The following MYO10 variants were observed in gnomAD, a reference collection of about 807,000 sequenced individuals.
MYO10 encodes the protein unconventional myosin-X.
A neutral mutation model predicts 257.3 loss-of-function variants in MYO10; 133 were observed. The observed-to-expected ratio is 0.52, with a 90% CI of 0.45 to 0.60. MYO10 has a LOEUF of 0.60. MYO10 is among the 20% of genes least tolerant of loss of function. MYO10 has a pLI of 0.00. For synonymous variants in MYO10, 1,104 were observed against 1,028.6 expected, an observed-to-expected ratio of 1.07 and a Z score of -1.40; for missense variants, 2,399 against 2,635.7, an observed-to-expected ratio of 0.91 and a Z score of 1.97.
chr5:16,710,625 A>G (rs1166885826), intron 21 of MYO10: 7 of 436,610 alleles, frequency 1.6e-5, no homozygotes, highest in Admixed American at 3.5e-5. Flanking sequence ...TCGTCTGCCA[A>G]CATTTGTTAC....
intron 1 of MYO10, among the ~76,000 whole-genome samples, chr5:16,919,586 C>T (rs1580151337): frequency 6.6e-6 from 1 of 152,248 alleles, no homozygotes; most frequent in South Asian, 2.1e-4. Flanking sequence ...TTAGGACTAC[C>T]AAGCAGATTA....
chr5:16,690,351 C>G (rs991941829), intron 27 of MYO10, among the ~76,000 whole-genome samples: 2 of 152,058 alleles, frequency 1.3e-5, no homozygotes, highest in African/African-American at 4.8e-5. Context: ...GGTGGTGGTT[C>G]TGGAACCCGT....
intron 33 of MYO10, among the ~76,000 whole-genome samples, chr5:16,678,978 G>A (rs26756): frequency 0.064 from 9,670 of 152,208 alleles, 1,017 homozygotes; most frequent in African/African-American, 0.22. Context: ...TTCCATTTCC[G>A]GAAAGTGAGG....
intron 21 of MYO10, among the ~76,000 whole-genome samples, chr5:16,706,257 A>G (rs1447787948): frequency 6.7e-6 from 1 of 150,172 alleles, no homozygotes; most frequent in Non-Finnish European, 1.5e-5. Flanking sequence ...ATACACATAT[A>G]CTCATATATA....
chr5:16,818,271 A>C, intron 2 of MYO10, 104 bp from the exon 3 acceptor site: 1 of 1,049,190 alleles, frequency 9.5e-7, no homozygotes, highest in Non-Finnish European at 1.3e-6. Context: ...TTTCAGGAAA[A>C]AGATTCTAAA....
intron 3 of MYO10, among the ~76,000 whole-genome samples, chr5:16,811,153 TGATG>T (rs3993822): frequency 0.52 from 79,455 of 151,344 alleles, 21,068 homozygotes; most frequent in African/African-American, 0.6. Context: ...CCAGGTGAGC[TGATG>T]GTAAGTGGGG....
intron 4 of MYO10, among the ~76,000 whole-genome samples, chr5:16,789,188 G>A (rs1036656688): frequency 2.0e-5 from 3 of 152,204 alleles, no homozygotes; most frequent in Non-Finnish European, 4.4e-5. Flanking sequence ...TGCAGGCTGT[G>A]CGTTGCATAC....
Position 16,699,671 on chromosome 5 carries a change from C to T in MYO10, c.3433-98G>A, listed in dbSNP as rs186375613. On this transcript the variant is annotated intron_variant, in intron 25 of 40. Coordinates refer to ENST00000513610, the MANE Select transcript of MYO10 (RefSeq NM_012334.3). ...TCATCATTGAAAAAATACAAAAATA[C>T]AGCTACTCAAGAGGCTGAGGCAGCA... 3.4e-4 allele frequency: 524 copies of T among 1,519,574 alleles called. 6 individuals are homozygous for T. The East Asian group carries it at 0.011, about 33-fold the overall frequency. The allele number at this position is 1,519,574 out of a possible 1,614,324, so 94.1% of individuals were successfully genotyped here. A position where few individuals can be genotyped will look rare whatever the true frequency, so the allele number is the denominator to read the frequency against.
chr5:16,694,238 C>A, intron 27 of MYO10, 133 bp downstream of exon 27: 2 of 1,343,406 alleles, frequency 1.5e-6, no homozygotes, highest in South Asian at 2.8e-5. Flanking sequence ...AGTAATTTAA[C>A]CTACTGAACT....
intron 2 of MYO10, among the ~76,000 whole-genome samples, chr5:16,856,541 CTG>C (rs1339245119): frequency 1.0e-4 from 15 of 149,964 alleles, no homozygotes; most frequent in South Asian, 2.1e-4. Flanking sequence ...CAGAGTGAGA[CTG>C]TGTCTCAAAA....
At chr5:16,860,552 G>A (rs968161020) in intron 2 of MYO10, among the ~76,000 whole-genome samples, 1 of 152,190 alleles carries the variant, frequency 6.6e-6, no homozygotes, top group Non-Finnish European at 1.5e-5. Flanking sequence ...GAAGCAGCTG[G>A]TCAGAGAAAC....
intron 2 of MYO10, among the ~76,000 whole-genome samples, chr5:16,874,220 G>A (rs543387262): frequency 6.6e-6 from 1 of 151,692 alleles, no homozygotes; most frequent in Admixed American, 6.6e-5. Context: ...TGTAGTCCCA[G>A]CTACTCAGGA....
In MYO10 at chr5:16,686,868, C is replaced by T. The variant is rs529427613; in HGVS notation, c.3897-1037G>A. Among the ~76,000 whole-genome samples, 51 of 152,178 alleles carry T rather than the reference C, an allele frequency of 3.4e-4. 1 individual carries two copies. Among genetic ancestry groups the T allele is most frequent in the South Asian group, 1.5e-3 (7 of 4,812 alleles). On this transcript the variant is annotated intron_variant, in intron 28 of 40. Transcript: ENST00000513610. The stretch of plus-strand genomic sequence containing the variant: ...TTATGTATTCCCAGGATGGGGTTTT[C>T]AACCATCTAACAGCATTTCTACTCA...
chr5:16,869,395 T>C (rs1258472429), intron 2 of MYO10, among the ~76,000 whole-genome samples: 1 of 151,720 alleles, frequency 6.6e-6, no homozygotes, highest in Non-Finnish European at 1.5e-5. Flanking sequence ...CAGACCAGCC[T>C]GGGTAACACA....
At chr5:16,760,751 T>C (rs1014316518) in intron 17 of MYO10, among the ~76,000 whole-genome samples, 2 of 151,998 alleles carry the variant, frequency 1.3e-5, no homozygotes, top group South Asian at 2.1e-4. Flanking sequence ...CTGCTTAAGA[T>C]ATTAAGGTTC....
intron 1 of MYO10, among the ~76,000 whole-genome samples, chr5:16,880,942 G>A (rs1165499585): frequency 6.6e-6 from 1 of 152,118 alleles, no homozygotes; most frequent in Non-Finnish European, 1.5e-5. Context: ...TAATTCACAT[G>A]TCAGGGACTG....
chr5:16,668,859 GTTC>G (rs1736301296), intron 39 of MYO10, among the ~76,000 whole-genome samples: 1 of 152,152 alleles, frequency 6.6e-6, no homozygotes, highest in African/African-American at 2.4e-5. Context: ...AATATCTCCA[GTTC>G]TGCCTCCAAT....
chr5:16,671,036 C>G, intron 38 of MYO10, 58 bp from the exon 39 acceptor site: 3 of 1,446,044 alleles, frequency 2.1e-6, no homozygotes, highest in South Asian at 2.7e-5. Flanking sequence ...ATGGGATGCC[C>G]ACGTCGCTTG....
At chr5:16,673,216 T>C (rs1736554367) in intron 36 of MYO10, among the ~76,000 whole-genome samples, 1 of 149,322 alleles carries the variant, frequency 6.7e-6, no homozygotes, top group African/African-American at 2.5e-5. Flanking sequence ...ATAAGAAGCC[T>C]TGGGGGGTGG....
Sources: gnomAD v4.1 joint callset for allele counts (sites outside exome capture counted in the v4.1 genomes callset) on GRCh38, gnomAD v4.1.1 for gene constraint, MANE v1.5 for transcripts, NCBI Gene and HGNC (gene_info 2026-07-23, HGNC 2026-07-21) for gene names.